Variants in KCNAB1 observed in about 807,000 individuals in gnomAD.
KCNAB1 encodes the protein voltage-gated potassium channel subunit beta-1.
KCNAB1 carries 35 observed loss-of-function variants against 64.6 expected under a neutral mutation model. The ratio of observed to expected loss-of-function variants is 0.54; its 90% CI spans 0.41 to 0.72. KCNAB1 has a LOEUF of 0.72. Among genes scored for constraint, KCNAB1 ranks in the 30% least tolerant of loss-of-function variants. The probability of loss-of-function intolerance (pLI) is 0.00; values close to 1 mark genes in which losing one functional copy is unlikely to be tolerated. For synonymous variants in KCNAB1, 177 were observed against 183.8 expected, an observed-to-expected ratio of 0.96 and a Z score of 0.30; for missense variants, 401 against 512.9, an observed-to-expected ratio of 0.78 and a Z score of 2.11.
chr3:156,515,294 C>T (rs572711147), intron 10 of KCNAB1, 74 bp downstream of exon 10: 4 of 1,402,326 alleles, frequency 2.9e-6, no homozygotes, highest in Admixed American at 4.1e-5. Flanking sequence ...AAAATAAAAA[C>T]AGTGTTATTG....
chr3:156,378,148 C>T (rs140462020), intron 1 of KCNAB1, among the ~76,000 whole-genome samples: 118 of 152,134 alleles, frequency 7.8e-4, no homozygotes, highest in African/African-American at 2.7e-3. Context: ...AGGAACAGAC[C>T]TGGGTAGAGA....
At chr3:156,186,125 G>A (rs528209984) in intron 1 of KCNAB1, among the ~76,000 whole-genome samples, 3 of 152,180 alleles carry the variant, frequency 2.0e-5, no homozygotes, top group Non-Finnish European at 4.4e-5. Flanking sequence ...GCCTTGCTGG[G>A]GGGCTCAATT....
chr3:156,523,785 C>T, intron 11 of KCNAB1, 42 bp from the exon 12 acceptor site: 1 of 1,571,912 alleles, frequency 6.4e-7, no homozygotes, highest in Non-Finnish European at 8.7e-7. Context: ...GACATCAGAT[C>T]TTTACCAGAC....
chr3:156,158,176 TAAAAAATA>T lies in KCNAB1; in HGVS notation c.275+37293_275+37300del, dbSNP rs1715851352. 1.6e-4 allele frequency among the ~76,000 whole-genome samples: 5 copies of T among 31,348 alleles called. No homozygotes were observed. The South Asian group carries it at 2.2e-3, about 14-fold the overall frequency. 20.6% of individuals were successfully genotyped at this position (31,348 alleles called of 152,430 possible). On this transcript the variant is annotated intron_variant, in intron 1 of 13. Transcript: ENST00000490337. ...CGAAACTCTGTCTCAAAAAAAAAAA[TAAAAAATA>T]AATAAATAAATAAATAAATAAATAA...
chr3:156,521,104 A>T (rs961990475), intron 11 of KCNAB1, among the ~76,000 whole-genome samples: 8 of 152,238 alleles, frequency 5.3e-5, no homozygotes, highest in Non-Finnish European at 8.8e-5. Flanking sequence ...CTAATAGCCA[A>T]CTAATCTGTA....
At chr3:156,492,393 G>C (rs1028178932) in intron 8 of KCNAB1, among the ~76,000 whole-genome samples, 9 of 152,056 alleles carry the variant, frequency 5.9e-5, no homozygotes, top group Admixed American at 3.3e-4. Flanking sequence ...ATATTAGTTT[G>C]GGGGCCCAGG....
At chr3:156,467,239 T>C (rs1713481196) in intron 7 of KCNAB1, among the ~76,000 whole-genome samples, 1 of 152,154 alleles carries the variant, frequency 6.6e-6, no homozygotes, top group African/African-American at 2.4e-5. Context: ...CCATGTACAG[T>C]TTCTACTAAA....
intron 1 of KCNAB1, among the ~76,000 whole-genome samples, chr3:156,265,420 A>T (rs1461988688): frequency 6.6e-6 from 1 of 152,044 alleles, no homozygotes; most frequent in East Asian, 1.9e-4. Flanking sequence ...CCCTGGGTCA[A>T]TGCTGCTCCC....
Position 156,291,352 on chromosome 3 carries a change from C to T in KCNAB1, c.276-130264C>T, listed in dbSNP as rs530427724. On this transcript the variant is annotated intron_variant, in intron 1 of 13. Coordinates refer to ENST00000490337, the MANE Select transcript of KCNAB1 (RefSeq NM_172160.3). ...CCGGAGTGGATGGAGACCACCAGTC[C>T]GAGGGGACCCGCTTGCGATTAGCTG... 17 of 994,104 alleles carry T rather than the reference C, an allele frequency of 1.7e-5. No individual in the cohort carries two copies. In the South Asian group the frequency reaches 5.9e-4, roughly 34 times the overall value. 61.6% of individuals were successfully genotyped at this position (994,104 alleles called of 1,614,324 possible).
rs137942826 is a variant in KCNAB1 at position 156,508,973 on chromosome 3, A to G, written c.659-5391A>G. ...AAAGTTTGTGATTGAGAGCTAATGA[A>G]ACTAATACAAAGGCCCTGGCTCACT... On this transcript the variant is annotated intron_variant, in intron 8 of 13. Transcript: ENST00000490337. The surrounding 1 kb of genome is among the most constrained non-coding windows in gnomAD (Gnocchi z 4.1). 3.3e-5 allele frequency among the ~76,000 whole-genome samples: 5 copies of G among 152,236 alleles called. No homozygotes were observed. The East Asian group carries it at 9.6e-4, about 29-fold the overall frequency.
At chr3:156,360,352 C>T (rs949989559) in intron 1 of KCNAB1, among the ~76,000 whole-genome samples, 4 of 152,130 alleles carry the variant, frequency 2.6e-5, no homozygotes, top group Non-Finnish European at 5.9e-5. Flanking sequence ...CCTAGCCTGC[C>T]TTTCTGTAGC....
chr3:156,263,059 CTG>C (rs1718516596), intron 1 of KCNAB1, among the ~76,000 whole-genome samples: 1 of 151,836 alleles, frequency 6.6e-6, no homozygotes, highest in African/African-American at 2.4e-5. Context: ...GTTTTGTTAA[CTG>C]TGTTGGTAAT....
chr3:156,188,753 T>C (rs1577689541), intron 1 of KCNAB1, among the ~76,000 whole-genome samples: 1 of 152,344 alleles, frequency 6.6e-6, no homozygotes, highest in East Asian at 1.9e-4. Flanking sequence ...TTTAATGGTG[T>C]CTCAGTTGTA....
At chr3:156,233,694 C>T (rs1716671800) in intron 1 of KCNAB1, among the ~76,000 whole-genome samples, 1 of 152,002 alleles carries the variant, frequency 6.6e-6, no homozygotes, top group South Asian at 2.1e-4. Context: ...TGAGGTGGCC[C>T]AGGCAGGGGA....
At chr3:156,325,081 AT>A (rs1211367551) in intron 1 of KCNAB1, among the ~76,000 whole-genome samples, 4 of 152,178 alleles carry the variant, frequency 2.6e-5, no homozygotes, top group Non-Finnish European at 5.9e-5. Context: ...TATATGCCAG[AT>A]TTAGTGTGAA....
intron 1 of KCNAB1, among the ~76,000 whole-genome samples, chr3:156,207,437 C>T (rs1478833921): frequency 6.6e-6 from 1 of 152,202 alleles, no homozygotes; most frequent in Non-Finnish European, 1.5e-5. Context: ...TCTTTTGCAA[C>T]TCACCCTAGG....
chr3:156,204,787 G>T (rs1384340635), intron 1 of KCNAB1, among the ~76,000 whole-genome samples: 2 of 152,014 alleles, frequency 1.3e-5, no homozygotes, highest in Non-Finnish European at 2.9e-5. Context: ...GAACCGGATT[G>T]TGCCACTGCA....
intron 1 of KCNAB1, among the ~76,000 whole-genome samples, chr3:156,195,767 G>T (rs1713875526): frequency 6.6e-6 from 1 of 151,976 alleles, no homozygotes; most frequent in Admixed American, 6.6e-5. Flanking sequence ...AGTTTCTTTT[G>T]CTGTGCAGAA....
In KCNAB1 at chr3:156,378,075, C is replaced by A. The variant is rs370742206; in HGVS notation, c.276-43541C>A. 3.3e-5 allele frequency among the ~76,000 whole-genome samples: 5 copies of A among 152,034 alleles called. No homozygotes were observed. In the South Asian group the frequency reaches 6.2e-4, roughly 19 times the overall value. On this transcript the variant is annotated intron_variant, in intron 1 of 13. Coordinates refer to ENST00000490337, the MANE Select transcript of KCNAB1 (RefSeq NM_172160.3). ...ATGCAGGGAGCCTTTATCTTCAGAACACATTTCAGAAATGAAAAAGCAAAC... is the reference window on the plus strand; with the variant it reads ...ATGCAGGGAGCCTTTATCTTCAGAAAACATTTCAGAAATGAAAAAGCAAAC...
Sources: allele counts gnomAD v4.1 joint callset (sites outside exome capture counted in the v4.1 genomes callset), GRCh38; gene constraint gnomAD v4.1.1; non-coding constraint Gnocchi (gnomAD v3.1); transcripts MANE v1.5; gene names NCBI Gene and HGNC (gene_info 2026-07-23, HGNC 2026-07-21).